NAV3: variants seen among roughly 807,000 people sequenced by gnomAD.
NAV3 encodes pore membrane and/or filament interacting like protein 1.
A neutral mutation model predicts 244.7 loss-of-function variants in NAV3; 87 were observed. That is an observed-to-expected ratio of 0.36 (90% confidence interval 0.30 to 0.42). NAV3 has a LOEUF of 0.42. Among genes scored for constraint, NAV3 ranks in the 20% least tolerant of loss-of-function variants. The pLI is 1.00. For missense variants in NAV3, 2,663 were observed against 2,893.3 expected (o/e 0.92, Z 1.83); for synonymous variants, 1,126 against 1,042.2 (o/e 1.08, Z -1.55).
intron 2 of NAV3, among the ~76,000 whole-genome samples, chr12:77,577,661 G>A (rs1869155068): frequency 6.6e-6 from 1 of 152,014 alleles, no homozygotes; most frequent in Admixed American, 6.6e-5. Context: ...ACATTTTGAA[G>A]GCAGAATTAT....
intron 2 of NAV3, among the ~76,000 whole-genome samples, chr12:77,764,828 G>A (rs747115359): frequency 4.6e-5 from 7 of 152,164 alleles, no homozygotes; most frequent in Admixed American, 3.3e-4. Flanking sequence ...TGACATTTGC[G>A]ACAGCAAGTC....
chr12:77,712,091 G>A (rs1194860754), intron 2 of NAV3, among the ~76,000 whole-genome samples: 2 of 152,162 alleles, frequency 1.3e-5, no homozygotes, highest in African/African-American at 4.8e-5. Flanking sequence ...AAAGACAACA[G>A]GAGTTTTAGC....
At chr12:77,725,274 C>T (rs1045631584) in intron 2 of NAV3, among the ~76,000 whole-genome samples, 4 of 152,014 alleles carry the variant, frequency 2.6e-5, no homozygotes, top group African/African-American at 9.6e-5. Context: ...ATAATATTAT[C>T]CTGGGAGCTA....
At chr12:77,895,366 G>A (rs1258449313) in intron 1 of NAV3, among the ~76,000 whole-genome samples, 3 of 151,420 alleles carry the variant, frequency 2.0e-5, no homozygotes, top group Non-Finnish European at 2.9e-5. Flanking sequence ...GGAAGGTGGA[G>A]AATAGCAGAT....
chr12:77,981,972 C>T (rs1869649902), intron 5 of NAV3, among the ~76,000 whole-genome samples: 1 of 151,914 alleles, frequency 6.6e-6, no homozygotes, highest in South Asian at 2.1e-4. Flanking sequence ...ATAGATAGGG[C>T]CAGAAACAAG....
intron 2 of NAV3, among the ~76,000 whole-genome samples, chr12:77,801,360 T>A (rs1401897476): frequency 6.6e-6 from 1 of 152,152 alleles, no homozygotes; most frequent in East Asian, 1.9e-4. Context: ...AAAATAATTA[T>A]TACATGAATT....
At chr12:77,905,481 A>C (rs1408077582) in intron 1 of NAV3, among the ~76,000 whole-genome samples, 1 of 152,122 alleles carries the variant, frequency 6.6e-6, no homozygotes. Flanking sequence ...ACTGTTGAGA[A>C]TCCAGAGACT....
At chr12:77,713,967 C>G (rs1328111119) in intron 2 of NAV3, among the ~76,000 whole-genome samples, 1 of 151,956 alleles carries the variant, frequency 6.6e-6, no homozygotes, top group African/African-American at 2.4e-5. Flanking sequence ...GTCATCATTA[C>G]TTTGTATAAT....
At chr12:77,803,036 T>C (rs558227547) in intron 2 of NAV3, among the ~76,000 whole-genome samples, 1 of 152,318 alleles carries the variant, frequency 6.6e-6, no homozygotes, top group South Asian at 2.1e-4. Flanking sequence ...ACATTCTATA[T>C]TCAATGACAT....
chr12:77,709,514 A>G (rs1262641355), intron 2 of NAV3, among the ~76,000 whole-genome samples: 4 of 152,314 alleles, frequency 2.6e-5, no homozygotes, highest in South Asian at 2.1e-4. Flanking sequence ...TTAATAAACT[A>G]TTATGGGTGC....
At chr12:77,613,977 G>T (rs1176174174) in intron 2 of NAV3, among the ~76,000 whole-genome samples, 1 of 151,408 alleles carries the variant, frequency 6.6e-6, no homozygotes, top group Non-Finnish European at 1.5e-5. Context: ...TTACGTAAAA[G>T]TGGGAATTGT....
intron 2 of NAV3, among the ~76,000 whole-genome samples, chr12:77,706,860 G>A (rs1469047570): frequency 2.1e-5 from 2 of 93,854 alleles, no homozygotes; most frequent in Non-Finnish European, 3.7e-5. Flanking sequence ...AACAGAGTGA[G>A]ACTCTGTTTC....
At chr12:77,950,625 A>T (rs1890781227) in intron 3 of NAV3, 1 of 152,250 alleles carries the variant, frequency 6.6e-6, no homozygotes, top group African/African-American at 2.4e-5. Context: ...TCCTAAGCCA[A>T]AAGAACAAAG....
intron 1 of NAV3, among the ~76,000 whole-genome samples, chr12:77,909,717 C>T (rs1468256544): frequency 6.6e-6 from 1 of 151,994 alleles, no homozygotes; most frequent in Non-Finnish European, 1.5e-5. Context: ...AATGCTTCTT[C>T]ATGGATGCTT....
chr12:77,600,309 G>T (rs556320883), intron 2 of NAV3, among the ~76,000 whole-genome samples: 2 of 151,904 alleles, frequency 1.3e-5, no homozygotes, highest in South Asian at 4.2e-4. Context: ...GCTAGGCTTA[G>T]GTCTGTGATC....
chr12:77,779,019 A>G (rs183216130), intron 2 of NAV3, among the ~76,000 whole-genome samples: 1 of 152,376 alleles, frequency 6.6e-6, no homozygotes, highest in African/African-American at 2.4e-5. Flanking sequence ...TAAATTTAAA[A>G]AAGTTTTACT....
chr12:77,897,483 C>T (rs904236566), intron 1 of NAV3, among the ~76,000 whole-genome samples: 3 of 152,148 alleles, frequency 2.0e-5, no homozygotes, highest in Non-Finnish European at 4.4e-5. Flanking sequence ...TTCCTATATC[C>T]ATGAACAAAG....
At chr12:77,886,473 T>C (rs1883299312) in intron 1 of NAV3, among the ~76,000 whole-genome samples, 2 of 152,202 alleles carry the variant, frequency 1.3e-5, no homozygotes, top group African/African-American at 4.8e-5. Flanking sequence ...CTTGTCTTCA[T>C]ATATGTTCAA....
At chr12:77,649,575 T>C (rs1411547243) in intron 2 of NAV3, among the ~76,000 whole-genome samples, 1 of 152,106 alleles carries the variant, frequency 6.6e-6, no homozygotes, top group African/African-American at 2.4e-5. Flanking sequence ...AAATCAGAAA[T>C]AGAAAGATAG....
Sources: gnomAD v4.1 joint callset for allele counts (sites outside exome capture counted in the v4.1 genomes callset) on GRCh38, gnomAD v4.1.1 for gene constraint, MANE v1.5 for transcripts, NCBI Gene and HGNC (gene_info 2026-07-23, HGNC 2026-07-21) for gene names.